SDK1: variants seen among roughly 807,000 people sequenced by gnomAD.
SDK1 encodes the protein protein sidekick-1.
A neutral mutation model predicts 245.5 loss-of-function variants in SDK1; 157 were observed. That is an observed-to-expected ratio of 0.64 (90% CI 0.56 to 0.73). SDK1 has a LOEUF of 0.73. Among genes scored for constraint, SDK1 ranks in the 30% least tolerant of loss-of-function variants. SDK1 has a pLI of 0.00. For missense variants in SDK1, 3,583 were observed against 3,002.3 expected, an observed-to-expected ratio of 1.19 and a Z score of -4.52; for synonymous variants, 1,647 against 1,278.5, an observed-to-expected ratio of 1.29 and a Z score of -6.15.
At chr7:3,528,981 C>A (rs1368040784) in intron 1 of SDK1, among the ~76,000 whole-genome samples, 1 of 151,858 alleles carries the variant, frequency 6.6e-6, no homozygotes, top group African/African-American at 2.4e-5. Context: ...TGGGACTGAG[C>A]CAGGGAGGTA....
At chr7:3,698,637 T>C (rs1045509747) in intron 4 of SDK1, among the ~76,000 whole-genome samples, 1 of 152,094 alleles carries the variant, frequency 6.6e-6, no homozygotes, top group Non-Finnish European at 1.5e-5. Flanking sequence ...TTCCTCACAG[T>C]TCTGGAGGCT....
intron 1 of SDK1, among the ~76,000 whole-genome samples, chr7:3,305,264 C>T (rs1195238102): frequency 6.6e-6 from 1 of 152,156 alleles, no homozygotes; most frequent in Non-Finnish European, 1.5e-5. Flanking sequence ...CACCTCAGAC[C>T]AGTTGGTTCT....
At chr7:4,242,304 G>A (rs1786578235) in intron 43 of SDK1, among the ~76,000 whole-genome samples, 1 of 152,152 alleles carries the variant, frequency 6.6e-6, no homozygotes, top group Non-Finnish European at 1.5e-5. Context: ...AGCAAGCCTG[G>A]TGCTTGTTGC....
intron 34 of SDK1, 34 bp downstream of exon 34, chr7:4,175,868 G>C: frequency 6.3e-7 from 1 of 1,587,462 alleles, no homozygotes; most frequent in Non-Finnish European, 8.6e-7. Context: ...CCCATGCCGC[G>C]AGGCGCACAC....
intron 29 of SDK1, among the ~76,000 whole-genome samples, chr7:4,146,339 CAT>C (rs1208029790): frequency 1.3e-5 from 2 of 151,446 alleles, no homozygotes; most frequent in Non-Finnish European, 3.0e-5. Context: ...CTCTCTCAGA[CAT>C]GTGAGCATTG....
At chr7:3,950,806 G>C in intron 5 of SDK1, 117 bp from the exon 6 acceptor site, 1 of 694,570 alleles carries the variant, frequency 1.4e-6, no homozygotes. Flanking sequence ...TGTAGGGATT[G>C]GTACTCTCTT....
intron 22 of SDK1, among the ~76,000 whole-genome samples, chr7:4,084,952 G>A (rs1203017464): frequency 6.6e-6 from 1 of 151,940 alleles, no homozygotes; most frequent in Non-Finnish European, 1.5e-5. Flanking sequence ...TAGTAGAGAT[G>A]GGGTTTCACC....
chr7:3,643,944 C>A (rs988744140), intron 4 of SDK1, among the ~76,000 whole-genome samples: 6 of 150,106 alleles, frequency 4.0e-5, no homozygotes, highest in Admixed American at 2.0e-4. Flanking sequence ...CCTCTGTCAC[C>A]CAGGCTGAGG....
intron 1 of SDK1, among the ~76,000 whole-genome samples, chr7:3,616,752 C>T (rs1007130850): frequency 6.6e-6 from 1 of 152,058 alleles, no homozygotes; most frequent in Non-Finnish European, 1.5e-5. Context: ...TATTTAAATT[C>T]TATATATTCA....
intron 5 of SDK1, among the ~76,000 whole-genome samples, chr7:3,877,933 A>C (rs1397940401): frequency 3.9e-5 from 6 of 152,238 alleles, no homozygotes; most frequent in Admixed American, 6.5e-5. Flanking sequence ...CTTTTAATAC[A>C]TACACAGCTG....
At chr7:3,625,183 G>A (rs62437889) in intron 2 of SDK1, among the ~76,000 whole-genome samples, 2,492 of 152,020 alleles carry the variant, frequency 0.016, 32 homozygotes, top group Non-Finnish European at 0.027. Context: ...ATAAAAAAAT[G>A]GAAACATAAA....
intron 14 of SDK1, among the ~76,000 whole-genome samples, chr7:4,009,159 C>A (rs1267894397): frequency 1.3e-5 from 2 of 152,200 alleles, no homozygotes; most frequent in East Asian, 3.9e-4. Flanking sequence ...ACTGTTTTCA[C>A]GGAAGTTCAA....
At chr7:3,309,542 T>TTTTA (rs1554256117) in intron 1 of SDK1, among the ~76,000 whole-genome samples, 1 of 148,656 alleles carries the variant, frequency 6.7e-6, no homozygotes, top group African/African-American at 2.4e-5. Flanking sequence ...TTTTTTTTTT[T>TTTTA]ACATGAGTGT....
intron 1 of SDK1, among the ~76,000 whole-genome samples, chr7:3,309,938 A>G (rs7807563): frequency 0.15 from 23,301 of 152,184 alleles, 2,814 homozygotes; most frequent in African/African-American, 0.33. Flanking sequence ...CTCAGTCTGA[A>G]CTACTTAAGA....
At chr7:3,492,297 A>G (rs1781885415) in intron 1 of SDK1, among the ~76,000 whole-genome samples, 2 of 152,206 alleles carry the variant, frequency 1.3e-5, no homozygotes, top group Admixed American at 1.3e-4. Flanking sequence ...GATCGAGACC[A>G]TCCTGGCTAA....
intron 4 of SDK1, among the ~76,000 whole-genome samples, chr7:3,688,404 C>T (rs994380976): frequency 1.3e-5 from 2 of 152,200 alleles, no homozygotes; most frequent in South Asian, 4.1e-4. Flanking sequence ...TTAATTCTTA[C>T]ATGTAGTATG....
At chr7:3,398,164 A>G (rs377067119) in intron 1 of SDK1, among the ~76,000 whole-genome samples, 4 of 152,132 alleles carry the variant, frequency 2.6e-5, no homozygotes, top group South Asian at 4.1e-4. Flanking sequence ...TAGGTTTCAC[A>G]GGCTTTAGTT....
At chr7:3,696,175 A>G (rs1349932205) in intron 4 of SDK1, among the ~76,000 whole-genome samples, 1 of 152,188 alleles carries the variant, frequency 6.6e-6, no homozygotes, top group South Asian at 2.1e-4. Flanking sequence ...TGTCCTGCCA[A>G]CTTAAATCTT....
At chr7:4,252,096 G>C (rs1448918486) in intron 44 of SDK1, among the ~76,000 whole-genome samples, 1 of 152,094 alleles carries the variant, frequency 6.6e-6, no homozygotes, top group Non-Finnish European at 1.5e-5. Flanking sequence ...TAGGGTACAT[G>C]TGCACAACGT....
Sources: gnomAD v4.1 joint callset for allele counts (sites outside exome capture counted in the v4.1 genomes callset) on GRCh38, gnomAD v4.1.1 for gene constraint, MANE v1.5 for transcripts, NCBI Gene and HGNC (gene_info 2026-07-23, HGNC 2026-07-21) for gene names.